The following ST7 variants were observed in gnomAD, a reference collection of about 807,000 sequenced individuals.
The protein encoded by ST7 is suppression of tumorigenicity 7.
ST7 carries 28 observed loss-of-function variants against 78.7 expected under a neutral mutation model. The observed-to-expected ratio is 0.36, with a 90% CI of 0.26 to 0.49. ST7 has a LOEUF of 0.49. Among genes scored for constraint, ST7 ranks in the 20% least tolerant of loss-of-function variants. ST7 has a pLI of 0.99. For synonymous variants in ST7, 247 were observed against 249.6 expected (o/e 0.99, Z 0.10); for missense variants, 418 against 696.0 (o/e 0.60, Z 4.49).
intron 1 of ST7, among the ~76,000 whole-genome samples, chr7:117,027,463 A>AAAAGTAAAAGT (rs1554427204): frequency 7.1e-6 from 1 of 140,630 alleles, no homozygotes; most frequent in African/African-American, 2.8e-5. Context: ...AAAGTAAAGT[A>AAAAGTAAAAGT]AAAGTAAAGT....
intron 1 of ST7, among the ~76,000 whole-genome samples, chr7:117,056,197 C>T (rs1798053398): frequency 6.6e-6 from 1 of 152,170 alleles, no homozygotes; most frequent in Non-Finnish European, 1.5e-5. Context: ...TACTTTGCAT[C>T]CTTCAATCCA....
chr7:117,190,820 T>G lies in ST7; in HGVS notation c.1152-14T>G. 6.2e-7 allele frequency: 1 copy of G among 1,613,106 alleles called. No homozygotes were observed. On this transcript the variant is annotated splice_polypyrimidine_tract_variant and intron_variant, in intron 11 of 15. Coordinates refer to ENST00000323984, the MANE Select transcript of ST7 (RefSeq NM_001369598.1). The surrounding 1 kb of genome is among the most constrained non-coding windows in gnomAD (Gnocchi z 5.2). ...TGGTCCCACCTGGATGGTTTTTGTCTTTCTGCTTTTCAGATTCTCTCCTGA... is the reference window on the plus strand; with the variant it reads ...TGGTCCCACCTGGATGGTTTTTGTCGTTCTGCTTTTCAGATTCTCTCCTGA...
rs749274049 is a variant in ST7, at chr7:117,117,475, T to C, written c.235-2086T>C. ...ACAATATAGAAAGCAGAAAAATGAC[T>C]TGGGGCACAGAATTTTCTGGGTCCT... On this transcript the variant is annotated intron_variant, in intron 2 of 15. Transcript: ENST00000323984. Among the ~76,000 whole-genome samples the C allele has an allele frequency of 2.0e-5, 3 of 152,300 alleles. No individual in the cohort carries two copies. The South Asian group carries it at 6.2e-4, about 32-fold the overall frequency.
chr7:117,039,954 C>G (rs899191741), intron 1 of ST7, among the ~76,000 whole-genome samples: 8 of 152,132 alleles, frequency 5.3e-5, no homozygotes, highest in Non-Finnish European at 1.5e-5. Flanking sequence ...GCTAGAAGAG[C>G]CCAAGAAGAG....
intron 10 of ST7, chr7:117,187,848 C>T (rs1321080514): frequency 1.3e-5 from 2 of 152,096 alleles, no homozygotes; most frequent in African/African-American, 4.8e-5. Context: ...TGAGTATACC[C>T]TAGAAAACAA....
At chr7:117,165,494 G>A (rs1013147996) in intron 9 of ST7, among the ~76,000 whole-genome samples, 5 of 152,152 alleles carry the variant, frequency 3.3e-5, no homozygotes, top group Admixed American at 6.5e-5. Context: ...CTGAAGTAGA[G>A]CTGTGGCAGT....
At chr7:117,048,656 C>T (rs1797613380) in intron 1 of ST7, among the ~76,000 whole-genome samples, 2 of 152,180 alleles carry the variant, frequency 1.3e-5, no homozygotes, top group African/African-American at 4.8e-5. Flanking sequence ...CCTTGATAGG[C>T]TCTGTCGTAA....
intron 13 of ST7, among the ~76,000 whole-genome samples, chr7:117,210,815 A>T (rs1162514934): frequency 3.4e-4 from 52 of 152,240 alleles, no homozygotes; most frequent in Admixed American, 3.4e-3. Context: ...CAACAAGTGC[A>T]TTGACATTCT....
At chr7:117,045,031 C>T (rs1797423590) in intron 1 of ST7, among the ~76,000 whole-genome samples, 1 of 152,162 alleles carries the variant, frequency 6.6e-6, no homozygotes, top group South Asian at 2.1e-4. Flanking sequence ...ATCCATGACT[C>T]CTTTATTTCT....
At chr7:117,004,420 A>C (rs1364730085) in intron 1 of ST7, among the ~76,000 whole-genome samples, 1 of 152,096 alleles carries the variant, frequency 6.6e-6, no homozygotes. Context: ...ATATGTTGAA[A>C]ATAAATGAGG....
intron 1 of ST7, chr7:117,022,886 C>T (rs533920793): frequency 6.6e-6 from 1 of 152,210 alleles, no homozygotes; most frequent in South Asian, 2.1e-4. Flanking sequence ...AATTTTTGCC[C>T]ATGTTTATAC....
At chr7:116,990,637 A>G (rs749762298) in intron 1 of ST7, among the ~76,000 whole-genome samples, 5 of 152,144 alleles carry the variant, frequency 3.3e-5, no homozygotes, top group Admixed American at 1.3e-4. Flanking sequence ...CTGCATACCC[A>G]TACTCTTTTC....
intron 3 of ST7, among the ~76,000 whole-genome samples, chr7:117,126,777 A>G (rs950254039): frequency 4.6e-5 from 7 of 151,962 alleles, no homozygotes; most frequent in Admixed American, 2.0e-4. Context: ...ACTTAGCTGT[A>G]GATAGTAAAC....
At chr7:117,097,327 CTT>C (rs762770944) in intron 1 of ST7, among the ~76,000 whole-genome samples, 19 of 136,876 alleles carry the variant, frequency 1.4e-4, no homozygotes, top group Non-Finnish European at 2.2e-4. Context: ...ATTCTGCTGG[CTT>C]TTTTTTTTTT....
At position 117,190,963 on chromosome 7, in the gene ST7, C is replaced by T; in HGVS notation, c.1254+27C>T. On this transcript the variant is annotated intron_variant, in intron 12 of 15. Coordinates refer to ENST00000323984, the MANE Select transcript of ST7 (RefSeq NM_001369598.1). This position sits in a 1 kb window ranked among gnomAD's most constrained non-coding sequence, Gnocchi z 5.2. ...TGAGTCTGTGGAATCCCCACAGGAA[C>T]TCGTTATGATAGCAGAGAAAGCATT... 6.4e-7 allele frequency: 1 copy of T among 1,559,990 alleles called. No homozygotes were observed. Among genetic ancestry groups the T allele is most frequent in the Non-Finnish European group, 8.8e-7 (1 of 1,130,716 alleles).
chr7:117,182,304 T>C (rs1808833412), intron 10 of ST7, among the ~76,000 whole-genome samples: 2 of 152,194 alleles, frequency 1.3e-5, no homozygotes, highest in South Asian at 4.1e-4. Context: ...GCCTGGAAGT[T>C]AGCCTTTAGT....
chr7:117,068,049 C>T (rs1046984420), intron 1 of ST7, among the ~76,000 whole-genome samples: 17 of 152,000 alleles, frequency 1.1e-4, no homozygotes, highest in Non-Finnish European at 1.9e-4. Flanking sequence ...TAGATCTACA[C>T]GGAAAGATTT....
At chr7:117,149,154 G>A (rs758391239) in intron 9 of ST7, among the ~76,000 whole-genome samples, 14 of 152,070 alleles carry the variant, frequency 9.2e-5, no homozygotes, top group African/African-American at 1.4e-4. Context: ...CCTTGGGCCT[G>A]GGGAAGTTAC....
chr7:117,189,457 G>A (rs1371102591), intron 11 of ST7, 64 bp downstream of exon 11: 9 of 1,353,448 alleles, frequency 6.6e-6, no homozygotes, highest in African/African-American at 4.4e-5. Context: ...TTGCCTCTGA[G>A]GGCTTTCTCT....
Sources: gnomAD v4.1 joint callset for allele counts (sites outside exome capture counted in the v4.1 genomes callset) on GRCh38, gnomAD v4.1.1 for gene constraint, Gnocchi (gnomAD v3.1) non-coding constraint, MANE v1.5 for transcripts, NCBI Gene and HGNC (gene_info 2026-07-23, HGNC 2026-07-21) for gene names.